The following FGD3 variants were observed in gnomAD, a reference collection of about 807,000 sequenced individuals.
The protein encoded by FGD3 is FYVE, RhoGEF and PH domain containing 3.
Under a neutral mutation model 71.8 loss-of-function variants are expected in FGD3, and 45 were observed. That is an observed-to-expected ratio of 0.63 (90% confidence interval 0.49 to 0.80). FGD3 has a LOEUF of 0.80. Ranked by LOEUF, FGD3 falls within the 30% of genes least tolerant of loss-of-function variation. The probability of loss-of-function intolerance (pLI) is 0.00; values close to 1 mark genes in which losing one functional copy is unlikely to be tolerated. For synonymous variants in FGD3, 378 were observed against 392.8 expected (o/e 0.96, Z 0.44); for missense variants, 844 against 951.5 (o/e 0.89, Z 1.49).
At chr9:93,019,757 G>T (rs1442930480) in intron 11 of FGD3, 74 bp from the exon 12 acceptor site, 2 of 1,410,070 alleles carry the variant, frequency 1.4e-6, no homozygotes, top group Non-Finnish European at 2.0e-6. Context: ...GTGTGCTGCA[G>T]GGTTGAGAGA....
At chr9:93,010,072 G>A (rs186367764) in intron 6 of FGD3, among the ~76,000 whole-genome samples, 174 bp from the exon 7 acceptor site, 26 of 152,340 alleles carry the variant, frequency 1.7e-4, no homozygotes, top group African/African-American at 6.0e-4. Flanking sequence ...GTCTCTCTGA[G>A]CCTCAGTTTC....
rs1455734277 is a variant in FGD3, at chr9:93,035,776, A to G, written c.*187A>G. On this transcript the variant is annotated 3_prime_UTR_variant, in exon 18 of 18. Transcript: ENST00000375482. ...GAGGGGCAACCACTGGCCAAGGGTCACCCAGCAAGTTTTGGCTAAGAGCCT... is the reference window on the plus strand; with the variant it reads ...GAGGGGCAACCACTGGCCAAGGGTCGCCCAGCAAGTTTTGGCTAAGAGCCT... 2.2e-6 allele frequency: 2 copies of G among 890,332 alleles called. No individual in the cohort carries two copies. The highest frequency in any genetic ancestry group is 3.2e-6 in the Non-Finnish European group (2 of 625,160). The allele number at this position is 890,332 out of a possible 1,614,324, so 55.2% of individuals were successfully genotyped here. A position where few individuals can be genotyped will look rare whatever the true frequency, so the allele number is the denominator to read the frequency against.
intron 1 of FGD3, among the ~76,000 whole-genome samples, chr9:92,951,908 T>A (rs971897633): frequency 5.9e-5 from 9 of 152,124 alleles, no homozygotes; most frequent in Admixed American, 3.3e-4. Context: ...GCAGAGAGGA[T>A]GCCTCTGTCC....
chr9:92,958,520 C>A (rs1859107392), intron 1 of FGD3, among the ~76,000 whole-genome samples: 1 of 152,092 alleles, frequency 6.6e-6, no homozygotes, highest in African/African-American at 2.4e-5. Flanking sequence ...CCTAATGGTG[C>A]CTTTTGATAA....
At position 93,036,160 on chromosome 9, in the gene FGD3, A is replaced by G. The variant is rs546173907; in HGVS notation, c.*571A>G. ...ACCCCAGCCACTGAGTGGCAGGCGC[A>G]TGAGATTTGTGGCTGTTCCTGATGC... On this transcript the variant is annotated 3_prime_UTR_variant, in exon 18 of 18. Transcript: ENST00000375482. 1 of 152,770 alleles carries G rather than the reference A, an allele frequency of 6.5e-6. No homozygotes were observed. Among genetic ancestry groups the G allele is most frequent in the African/African-American group, 2.4e-5 (1 of 41,602 alleles). The allele number at this position is 152,770 out of a possible 1,614,324, so 9.5% of individuals were successfully genotyped here. A position where few individuals can be genotyped will look rare whatever the true frequency, so the allele number is the denominator to read the frequency against.
intron 16 of FGD3, 177 bp downstream of exon 16, chr9:93,033,050 G>A: frequency 1.4e-6 from 1 of 696,512 alleles, no homozygotes; most frequent in South Asian, 1.5e-5. Context: ...AAGATCCCGT[G>A]TGTGCACGCT....
intron 1 of FGD3, among the ~76,000 whole-genome samples, chr9:92,970,955 CTCTT>C (rs1859507754): frequency 6.6e-6 from 1 of 152,218 alleles, no homozygotes; most frequent in Non-Finnish European, 1.5e-5. Context: ...CTATCCAGCT[CTCTT>C]TGTTTTCTGT....
intron 10 of FGD3, among the ~76,000 whole-genome samples, chr9:93,016,462 T>C (rs1398345707): frequency 1.4e-5 from 2 of 139,302 alleles, no homozygotes; most frequent in Non-Finnish European, 3.1e-5. Flanking sequence ...CTCACCCTCC[T>C]GTGTAGCTGC....
chr9:92,952,567 C>G (rs147698050), intron 1 of FGD3, among the ~76,000 whole-genome samples: 1 of 151,776 alleles, frequency 6.6e-6, no homozygotes, highest in Non-Finnish European at 1.5e-5. Context: ...AGCTGAAGGC[C>G]CCCCCATCCC....
At chr9:92,967,865 G>A (rs1259414532) in intron 1 of FGD3, among the ~76,000 whole-genome samples, 3 of 152,166 alleles carry the variant, frequency 2.0e-5, no homozygotes, top group Non-Finnish European at 2.9e-5. Context: ...GAGCCACTGC[G>A]CCCGGCCTCC....
At chr9:92,970,550 G>C (rs12003440) in intron 1 of FGD3, among the ~76,000 whole-genome samples, 32,313 of 152,110 alleles carry the variant, frequency 0.21, 4,297 homozygotes, top group African/African-American at 0.36. Flanking sequence ...TGATTGGCCA[G>C]CCACTGTTGA....
chr9:92,950,996 G>A (rs1858944527), intron 1 of FGD3, among the ~76,000 whole-genome samples: 1 of 152,110 alleles, frequency 6.6e-6, no homozygotes, highest in Non-Finnish European at 1.5e-5. Flanking sequence ...AATGAGGAGA[G>A]GCAAGGGTGC....
intron 1 of FGD3, among the ~76,000 whole-genome samples, chr9:92,949,823 C>T (rs1858920921): frequency 6.6e-6 from 1 of 152,182 alleles, no homozygotes; most frequent in African/African-American, 2.4e-5. Context: ...GCTCCCTTCT[C>T]CCACCACAAC....
intron 1 of FGD3, among the ~76,000 whole-genome samples, chr9:92,960,034 G>A (rs1859140843): frequency 6.6e-6 from 1 of 151,552 alleles, no homozygotes; most frequent in African/African-American, 2.4e-5. Flanking sequence ...GTGTTCCCAT[G>A]TCTCCATATC....
chr9:92,955,722 A>G (rs564837355), intron 1 of FGD3, among the ~76,000 whole-genome samples: 1 of 152,086 alleles, frequency 6.6e-6, no homozygotes, highest in Non-Finnish European at 1.5e-5. Flanking sequence ...TGGCCCTTTG[A>G]TGTCCACCTG....
chr9:92,971,566 CTTTTTTTTT>C (rs869043960), intron 1 of FGD3, among the ~76,000 whole-genome samples: 14 of 39,570 alleles, frequency 3.5e-4, no homozygotes, highest in Admixed American at 7.5e-4. Flanking sequence ...CTTTTCTTTT[CTTTTTTTTT>C]TTTTTTTTTT....
chr9:92,971,561 CTTTTCTTTTTTTT>C (rs1241584823), intron 1 of FGD3, among the ~76,000 whole-genome samples: 20 of 63,282 alleles, frequency 3.2e-4, no homozygotes, highest in East Asian at 9.1e-4. Context: ...CTTTTCTTTT[CTTTTCTTTTTTTT>C]TTTTTTTTTT....
In FGD3 at chr9:93,003,239, C is replaced by T. The variant is rs554416626; in HGVS notation, c.543+225C>T. On this transcript the variant is annotated intron_variant, in intron 4 of 17. Transcript: ENST00000375482. This position sits in a 1 kb window ranked among gnomAD's most constrained non-coding sequence, Gnocchi z 4.1. ...CGCCTCTCCAGTTCAAGCAATTCTCCTGTCTCAGCCTCCCGAGTAGCTGGG... is the reference window on the plus strand; with the variant it reads ...CGCCTCTCCAGTTCAAGCAATTCTCTTGTCTCAGCCTCCCGAGTAGCTGGG... Among the ~76,000 whole-genome samples, 7 of 152,316 alleles carry T rather than the reference C, an allele frequency of 4.6e-5. No homozygotes were observed. The East Asian group carries it at 1.4e-3, about 29-fold the overall frequency.
At position 93,029,992 on chromosome 9, in the gene FGD3, G is replaced by A. The variant is rs1350312768; in HGVS notation, c.1676G>A (p.Gly559Glu). The A allele has an allele frequency of 1.2e-6, 2 of 1,611,908 alleles. No homozygotes were observed. The highest frequency in any genetic ancestry group is 1.3e-5 in the African/African-American group (1 of 74,860). The change falls in exon 15 of 18, where the codon GGG becomes GAG. Residue 559 changes from glycine to glutamate, a missense_variant. Transcript: ENST00000375482. ...AGGAGGCATCACTGCAAGCTGTGTG[G>A]GGCGGTGAGTCCCGGGAGAGGGGGA... ...TKRRHHCKLC[G>E]AVICGKCSEF...
Sources: gnomAD v4.1 joint callset for allele counts (sites outside exome capture counted in the v4.1 genomes callset) on GRCh38, gnomAD v4.1.1 for gene constraint, Gnocchi (gnomAD v3.1) non-coding constraint, MANE v1.5 for transcripts, NCBI Gene and HGNC (gene_info 2026-07-23, HGNC 2026-07-21) for gene names.